TAFA2: variants seen among roughly 807,000 people sequenced by gnomAD.
The protein encoded by TAFA2 is TAFA chemokine like family member 2.
A neutral mutation model predicts 18.8 loss-of-function variants in TAFA2; 7 were observed. That is an observed-to-expected ratio of 0.37 (90% CI 0.21 to 0.70). The LOEUF is 0.70. Ranked by LOEUF, TAFA2 falls within the 30% of genes least tolerant of loss-of-function variation. The pLI is 0.53. For missense variants in TAFA2, 122 were observed against 158.1 expected (o/e 0.77, Z 1.23); for synonymous variants, 60 against 54.2 (o/e 1.11, Z -0.47).
At chr12:61,744,429 C>A (rs76414138) in intron 4 of TAFA2, among the ~76,000 whole-genome samples, 1 of 151,930 alleles carries the variant, frequency 6.6e-6, no homozygotes. Context: ...GACATAGAGC[C>A]GGATGATATA....
At chr12:62,157,881 CA>C (rs1422408571) in intron 1 of TAFA2, among the ~76,000 whole-genome samples, 1 of 152,154 alleles carries the variant, frequency 6.6e-6, no homozygotes, top group African/African-American at 2.4e-5. Context: ...TCCACAAAAG[CA>C]GGGGCACTGT....
chr12:61,863,404 A>G (rs963774389), intron 2 of TAFA2, among the ~76,000 whole-genome samples: 2 of 152,236 alleles, frequency 1.3e-5, no homozygotes, highest in Non-Finnish European at 2.9e-5. Flanking sequence ...TACAGCAGCA[A>G]GAGAATGGTA....
chr12:62,257,831 T>G (rs1012018713), intron 1 of TAFA2, among the ~76,000 whole-genome samples: 20 of 152,192 alleles, frequency 1.3e-4, no homozygotes, highest in Non-Finnish European at 2.6e-4. Context: ...TCTCATCAAT[T>G]TATCTACTTA....
At chr12:62,175,407 A>G (rs2062505752) in intron 1 of TAFA2, among the ~76,000 whole-genome samples, 1 of 152,184 alleles carries the variant, frequency 6.6e-6, no homozygotes, top group African/African-American at 2.4e-5. Flanking sequence ...TTCTAGTTTA[A>G]TATATAAGAC....
rs187091732 is a variant in TAFA2 at position 62,000,704 on chromosome 12, A to G, written c.-1-133278T>C. Among the ~76,000 whole-genome samples the G allele has an allele frequency of 9.2e-5, 14 of 152,288 alleles. 5 individuals carry two copies. Among genetic ancestry groups the G allele is most frequent in the Admixed American group, 2.6e-4 (4 of 15,296 alleles). Reference sequence around the variant, plus strand: ...AACAATAGAAATATTCTTCCAAGGTATAATAAATACATTGTGGTATATTCA... The same window carrying G: ...AACAATAGAAATATTCTTCCAAGGTGTAATAAATACATTGTGGTATATTCA... On this transcript the variant is annotated intron_variant, in intron 1 of 4. Coordinates refer to ENST00000416284, the MANE Select transcript of TAFA2 (RefSeq NM_178539.5).
At chr12:61,756,564 A>G (rs1477225323) in intron 2 of TAFA2, among the ~76,000 whole-genome samples, 1 of 152,088 alleles carries the variant, frequency 6.6e-6, no homozygotes, top group East Asian at 1.9e-4. Context: ...TACTGGAAAC[A>G]CAGCAATGAA....
chr12:62,116,665 A>AGGC (rs961344202), intron 1 of TAFA2, among the ~76,000 whole-genome samples: 1 of 149,066 alleles, frequency 6.7e-6, no homozygotes, highest in African/African-American at 2.6e-5. Flanking sequence ...TACAGACTGT[A>AGGC]GGCTTTACTG....
chr12:62,100,110 A>T (rs113977132), intron 1 of TAFA2, among the ~76,000 whole-genome samples: 8,163 of 151,072 alleles, frequency 0.054, 328 homozygotes, highest in Non-Finnish European at 0.083. Context: ...TGCCACAAAC[A>T]CTGCCTCTTC....
chr12:61,720,832 TGAG>T, intron 4 of TAFA2: 1 of 487,186 alleles, frequency 2.1e-6, no homozygotes, highest in Admixed American at 2.2e-5. Flanking sequence ...AAAACTTTTT[TGAG>T]TGTGGAGAAA....
At chr12:62,145,156 C>G (rs552921981) in intron 1 of TAFA2, among the ~76,000 whole-genome samples, 2 of 152,148 alleles carry the variant, frequency 1.3e-5, no homozygotes, top group Non-Finnish European at 2.9e-5. Flanking sequence ...GTCTTTCCCC[C>G]ATCACTGTTT....
At chr12:62,071,896 C>G (rs1254097969) in intron 1 of TAFA2, among the ~76,000 whole-genome samples, 1 of 152,104 alleles carries the variant, frequency 6.6e-6, no homozygotes, top group Non-Finnish European at 1.5e-5. Context: ...TGGCTGTGTT[C>G]TTTTTGAGAT....
At chr12:61,915,831 C>T (rs148839748) in intron 1 of TAFA2, among the ~76,000 whole-genome samples, 1 of 152,218 alleles carries the variant, frequency 6.6e-6, no homozygotes, top group East Asian at 1.9e-4. Context: ...TGGATGATGC[C>T]CATCCACATT....
intron 1 of TAFA2, among the ~76,000 whole-genome samples, chr12:62,005,839 C>T (rs538650873): frequency 6.6e-6 from 1 of 152,114 alleles, no homozygotes; most frequent in African/African-American, 2.4e-5. Flanking sequence ...AACTCAAGTT[C>T]GATGTCCTTC....
chr12:61,897,711 T>C (rs929162263), intron 1 of TAFA2, among the ~76,000 whole-genome samples: 6 of 152,156 alleles, frequency 3.9e-5, no homozygotes, highest in Admixed American at 3.3e-4. Flanking sequence ...GGGATTACAA[T>C]TTGAGATGAA....
intron 1 of TAFA2, among the ~76,000 whole-genome samples, chr12:62,237,676 A>G (rs2136987858): frequency 6.6e-6 from 1 of 152,274 alleles, no homozygotes; most frequent in Non-Finnish European, 1.5e-5. Flanking sequence ...ACTTTCTAGG[A>G]TATGTTTACC....
At position 62,059,715 on chromosome 12, in the gene TAFA2, T is replaced by C. The variant is rs139054698; in HGVS notation, c.-2+131544A>G. Among the ~76,000 whole-genome samples the C allele has an allele frequency of 3.8e-3, 579 of 152,296 alleles. 4 individuals are homozygous for C. Among genetic ancestry groups the C allele is most frequent in the African/African-American group, 0.013 (557 of 41,570 alleles). On this transcript the variant is annotated intron_variant, in intron 1 of 4. Coordinates refer to ENST00000416284, the MANE Select transcript of TAFA2 (RefSeq NM_178539.5). ...ATGATAAGTTTATCTTGAATAATTT[T>C]CAGTGCTTCTTGTAGGCCACAAATT... is the stretch of plus-strand genomic sequence containing the variant.
chr12:61,749,989 C>T (rs990827865), intron 4 of TAFA2, among the ~76,000 whole-genome samples: 1 of 141,982 alleles, frequency 7.0e-6, no homozygotes, highest in East Asian at 2.1e-4. Flanking sequence ...AATATCAAAA[C>T]ACCCCACACA....
chr12:61,817,779 A>G (rs753245024), intron 2 of TAFA2, among the ~76,000 whole-genome samples: 61 of 152,228 alleles, frequency 4.0e-4, no homozygotes, highest in Non-Finnish European at 7.9e-4. Flanking sequence ...CAAAATAAAC[A>G]TAAATCAGCT....
intron 1 of TAFA2, among the ~76,000 whole-genome samples, chr12:62,159,370 G>T (rs1198174500): frequency 6.6e-6 from 1 of 152,176 alleles, no homozygotes; most frequent in African/African-American, 2.4e-5. Flanking sequence ...ACCATAAACT[G>T]AGTAGACTAT....
Sources: allele counts gnomAD v4.1 joint callset (sites outside exome capture counted in the v4.1 genomes callset), GRCh38; gene constraint gnomAD v4.1.1; transcripts MANE v1.5; gene names NCBI Gene and HGNC (gene_info 2026-07-23, HGNC 2026-07-21).